The following CCDC149 variants were observed in gnomAD, a reference collection of about 807,000 sequenced individuals.
CCDC149 encodes coiled-coil domain-containing protein 149.
In CCDC149, 45 loss-of-function variants were observed where a neutral mutation model predicts 59.9. That is an observed-to-expected ratio of 0.75 (90% CI 0.59 to 0.96). The LOEUF is 0.96. Among genes scored for constraint, CCDC149 ranks in the 40% least tolerant of loss-of-function variants. The pLI is 0.00. For missense variants in CCDC149, 584 were observed against 664.7 expected, an observed-to-expected ratio of 0.88 and a Z score of 1.33; for synonymous variants, 245 against 260.6, an observed-to-expected ratio of 0.94 and a Z score of 0.58.
At chr4:24,856,717 T>TC (rs1718034345) in intron 3 of CCDC149, among the ~76,000 whole-genome samples, 1 of 152,210 alleles carries the variant, frequency 6.6e-6, no homozygotes, top group Non-Finnish European at 1.5e-5. Context: ...GTTTCCTGGT[T>TC]CCCCCTCTCC....
upstream of CCDC149, among the ~76,000 whole-genome samples, chr4:24,917,296 A>G (rs1379406052): frequency 1.3e-5 from 2 of 152,218 alleles, no homozygotes; most frequent in African/African-American, 4.8e-5. Context: ...GCTGGCTGCC[A>G]ATCAGCCAGG....
chr4:24,866,315 T>C (rs1004376921), intron 3 of CCDC149, among the ~76,000 whole-genome samples: 13 of 152,022 alleles, frequency 8.6e-5, no homozygotes, highest in African/African-American at 2.4e-4. Flanking sequence ...GAAATCAAAA[T>C]AGGAAAAGAC....
intron 12 of CCDC149, among the ~76,000 whole-genome samples, chr4:24,812,952 T>C (rs1310558840): frequency 2.0e-5 from 3 of 152,010 alleles, no homozygotes; most frequent in African/African-American, 7.3e-5. Context: ...AAGGTGAGAG[T>C]TGGGTGAGGA....
intron 4 of CCDC149, among the ~76,000 whole-genome samples, chr4:24,842,442 G>A (rs1191689191): frequency 2.0e-5 from 3 of 152,228 alleles, no homozygotes; most frequent in East Asian, 3.9e-4. Context: ...TGAAGCAACC[G>A]CTCAGGACAC....
At chr4:24,949,621 A>G (rs1056267264) in intron 1 of CCDC149, among the ~76,000 whole-genome samples, 8 of 152,186 alleles carry the variant, frequency 5.3e-5, no homozygotes, top group African/African-American at 1.9e-4. Context: ...GGGCTTACAC[A>G]CATTTGCAAA....
chr4:24,865,761 C>G (rs1396306644), intron 3 of CCDC149, among the ~76,000 whole-genome samples: 2 of 152,342 alleles, frequency 1.3e-5, no homozygotes, highest in East Asian at 3.9e-4. Context: ...CCATTAATAG[C>G]TCCCAAGTTC....
In CCDC149 at chr4:24,900,602, C is replaced by T. The variant is rs187250531; in HGVS notation, c.63+12215G>A. The stretch of plus-strand genomic sequence containing the variant: ...AACACAGGTGGCCACAGTCCTTTCT[C>T]TAAGGAGCTTGTCAACTTATACAGG... On this transcript the variant is annotated intron_variant, in intron 1 of 12. Coordinates refer to ENST00000635206, the MANE Select transcript of CCDC149 (RefSeq NM_001330643.2). 1.0e-3 allele frequency among the ~76,000 whole-genome samples: 152 copies of T among 152,362 alleles called. 2 individuals are homozygous for T. The highest frequency in any genetic ancestry group is 1.4e-3 in the Non-Finnish European group (93 of 68,038).
chr4:24,866,808 TACACACACACACACCC>T (rs1461792923), intron 3 of CCDC149, among the ~76,000 whole-genome samples: 3 of 79,656 alleles, frequency 3.8e-5, no homozygotes, highest in African/African-American at 1.6e-4. Context: ...AAAAAAAATA[TACACACACACACACCC>T]ACACACACAC....
At chr4:24,975,649 A>G (rs1477308137) in intron 1 of CCDC149, among the ~76,000 whole-genome samples, 1 of 151,782 alleles carries the variant, frequency 6.6e-6, no homozygotes, top group Non-Finnish European at 1.5e-5. Flanking sequence ...GCTTGGGTCC[A>G]TGCCCATCCC....
chr4:24,827,852 G>A (rs1160686340), intron 9 of CCDC149: 2 of 152,104 alleles, frequency 1.3e-5, no homozygotes, highest in African/African-American at 2.4e-5. Context: ...TATGTATAAC[G>A]CTCCAGCAAA....
At chr4:24,939,779 G>C (rs557322245) in intron 1 of CCDC149, among the ~76,000 whole-genome samples, 1 of 152,288 alleles carries the variant, frequency 6.6e-6, no homozygotes, top group South Asian at 2.1e-4. Context: ...GCGATCAAGT[G>C]GAAGAAAGGG....
chr4:24,948,819 G>T (rs1488257816), intron 1 of CCDC149, among the ~76,000 whole-genome samples: 2 of 152,132 alleles, frequency 1.3e-5, no homozygotes, highest in Non-Finnish European at 2.9e-5. Flanking sequence ...AATAATGAGG[G>T]TGGGTCTTTC....
intron 3 of CCDC149, among the ~76,000 whole-genome samples, chr4:24,869,737 C>G (rs1718920231): frequency 6.6e-6 from 1 of 152,214 alleles, no homozygotes; most frequent in Non-Finnish European, 1.5e-5. Context: ...TTGATCCTGA[C>G]AGCTACACTA....
chr4:24,821,725 G>A (rs1462028534), intron 10 of CCDC149, among the ~76,000 whole-genome samples: 1 of 152,220 alleles, frequency 6.6e-6, no homozygotes, highest in African/African-American at 2.4e-5. Context: ...GGAAAGGGGA[G>A]ATGGTGGAAA....
At chr4:24,916,372 C>T (rs771104918), upstream of CCDC149, among the ~76,000 whole-genome samples, 2 of 152,136 alleles carry the variant, frequency 1.3e-5, no homozygotes, top group Non-Finnish European at 2.9e-5. Context: ...CCAGCACAGA[C>T]TGATGAAAAC....
At chr4:24,978,209 T>C (rs1724290733) in intron 1 of CCDC149, among the ~76,000 whole-genome samples, 1 of 152,342 alleles carries the variant, frequency 6.6e-6, no homozygotes, top group South Asian at 2.1e-4. Flanking sequence ...TTACTGAGCA[T>C]GTAAAATGTG....
rs568940698 is a variant in CCDC149 at position 24,837,130 on chromosome 4, T to A, written c.662+98A>T. 1.2e-5 allele frequency: 14 copies of A among 1,199,716 alleles called. No homozygotes were observed. The highest frequency in any genetic ancestry group is 1.5e-5 in the Non-Finnish European group (13 of 861,568). The allele number at this position is 1,199,716 out of a possible 1,614,324, so 74.3% of individuals were successfully genotyped here. On this transcript the variant is annotated intron_variant, in intron 6 of 12. Transcript: ENST00000635206. This position sits in a 1 kb window ranked among gnomAD's most constrained non-coding sequence, Gnocchi z 4.3. ...AGTTTCTTTTCACTTGTAAGGCAAT[T>A]TTCTCCAAAATAAATAGGGCTGCAA...
At chr4:24,819,464 G>A (rs1159813458) in intron 12 of CCDC149, among the ~76,000 whole-genome samples, 2 of 152,162 alleles carry the variant, frequency 1.3e-5, no homozygotes, top group Admixed American at 6.6e-5. Context: ...GGGACTACAG[G>A]CACGCCCCAC....
At chr4:24,916,824 G>GTGTACA (rs773321362), upstream of CCDC149, among the ~76,000 whole-genome samples, 17 of 148,408 alleles carry the variant, frequency 1.1e-4, no homozygotes, top group African/African-American at 4.3e-4. Context: ...GTGTGTGTGT[G>GTGTACA]TACATATATT....
Sources: allele counts gnomAD v4.1 joint callset (sites outside exome capture counted in the v4.1 genomes callset), GRCh38; gene constraint gnomAD v4.1.1; non-coding constraint Gnocchi (gnomAD v3.1); transcripts MANE v1.5; gene names NCBI Gene and HGNC (gene_info 2026-07-23, HGNC 2026-07-21).